The following TENM3 variants were observed in gnomAD, a reference collection of about 807,000 sequenced individuals.
The protein encoded by TENM3 is teneurin-3.
A neutral mutation model predicts 255.1 loss-of-function variants in TENM3; 63 were observed. The observed-to-expected ratio is 0.25, with a 90% CI of 0.20 to 0.30. TENM3 has a LOEUF of 0.30. TENM3 is among the 10% of genes least tolerant of loss of function. TENM3 has a pLI of 1.00. For synonymous variants in TENM3, 1,306 were observed against 1,322.3 expected (o/e 0.99, Z 0.27); for missense variants, 2,929 against 3,461.1 (o/e 0.85, Z 3.86).
the TENM3 span, among the ~76,000 whole-genome samples, chr4:181,896,950 C>T: frequency 6.6e-6 from 1 of 152,202 alleles, no homozygotes; most frequent in African/African-American, 2.4e-5. Flanking sequence ...GGGAGACCTT[C>T]TTCCTGGAAG....
chr4:182,778,167 C>A (rs1764851931), intron 24 of TENM3, among the ~76,000 whole-genome samples: 1 of 151,896 alleles, frequency 6.6e-6, no homozygotes, highest in East Asian at 1.9e-4. Context: ...GATTGTAGAA[C>A]CTGCCTTCAG....
the TENM3 span, among the ~76,000 whole-genome samples, chr4:181,966,559 A>G: frequency 1.4e-3 from 210 of 152,330 alleles, no homozygotes; most frequent in Non-Finnish European, 2.6e-3. Context: ...AAGCCAATCA[A>G]GGAGAATAAA....
At chr4:182,128,262 G>T in the TENM3 span, among the ~76,000 whole-genome samples, 5 of 151,306 alleles carry the variant, frequency 3.3e-5, no homozygotes, top group Admixed American at 6.6e-5. Flanking sequence ...CATTTTTTTT[G>T]AGTATCTTCT....
In TENM3 at chr4:182,531,182, A is replaced by G. The variant is rs372664019; in HGVS notation, c.512-69742A>G. Among the ~76,000 whole-genome samples, 7 of 152,324 alleles carry G rather than the reference A, an allele frequency of 4.6e-5. No individual in the cohort carries two copies. The East Asian group carries it at 1.4e-3, about 29-fold the overall frequency. ...AAAGGAAAGTGTGTCAAGGAGGAGT[A>G]TTCACTTTTGTTAAATACTTCCGAG... On this transcript the variant is annotated intron_variant, in intron 3 of 27. Transcript: ENST00000511685.
intron 18 of TENM3, among the ~76,000 whole-genome samples, chr4:182,742,743 G>A (rs981387421): frequency 6.6e-6 from 1 of 152,136 alleles, no homozygotes; most frequent in African/African-American, 2.4e-5. Flanking sequence ...AGATCATCTG[G>A]AGAGTTTTTC....
chr4:182,115,050 G>A, the TENM3 span, among the ~76,000 whole-genome samples: 573 of 152,060 alleles, frequency 3.8e-3, 4 homozygotes, highest in African/African-American at 0.013. Context: ...GCATGGTGTC[G>A]GGTGCCTGTA....
At chr4:182,282,115 G>T (rs988942812) in intron 1 of TENM3, among the ~76,000 whole-genome samples, 1 of 152,178 alleles carries the variant, frequency 6.6e-6, no homozygotes, top group African/African-American at 2.4e-5. Flanking sequence ...ACTGCCAGCT[G>T]TTAAAAAATC....
chr4:182,095,341 A>C, the TENM3 span, among the ~76,000 whole-genome samples: 1 of 152,214 alleles, frequency 6.6e-6, no homozygotes, highest in Non-Finnish European at 1.5e-5. Context: ...ACACACATAC[A>C]CAATGGAATA....
the TENM3 span, among the ~76,000 whole-genome samples, chr4:181,871,576 C>T: frequency 6.6e-6 from 1 of 152,010 alleles, no homozygotes; most frequent in Non-Finnish European, 1.5e-5. Context: ...TGTACTGTCT[C>T]AGACTATCCA....
At chr4:181,749,398 G>A in the TENM3 span, among the ~76,000 whole-genome samples, 7 of 151,960 alleles carry the variant, frequency 4.6e-5, no homozygotes, top group African/African-American at 9.7e-5. Context: ...GTAACGTACC[G>A]TTTTGAAGGT....
intron 3 of TENM3, among the ~76,000 whole-genome samples, chr4:182,489,856 TTC>T (rs879505797): frequency 0.32 from 48,755 of 150,752 alleles, 8,514 homozygotes; most frequent in Non-Finnish European, 0.39. Context: ...CTTCCTTTTC[TTC>T]CCTTCCTCCC....
the TENM3 span, among the ~76,000 whole-genome samples, chr4:181,849,916 A>ATC: frequency 3.8e-5 from 2 of 53,100 alleles, no homozygotes; most frequent in Middle Eastern, 0.01. Flanking sequence ...GATTAAAAGC[A>ATC]TCTCTCTCTC....
chr4:182,003,288 C>G, the TENM3 span, among the ~76,000 whole-genome samples: 2 of 152,012 alleles, frequency 1.3e-5, no homozygotes, highest in Non-Finnish European at 1.5e-5. Context: ...AGGTGGGCTA[C>G]TAACATTTTC....
At chr4:182,219,551 G>C (rs1349171374) in intron 1 of TENM3, among the ~76,000 whole-genome samples, 4 of 151,942 alleles carry the variant, frequency 2.6e-5, no homozygotes, top group Non-Finnish European at 5.9e-5. Context: ...TTTAATCCCA[G>C]CTACTCAGGA....
chr4:181,573,967 A>G, the TENM3 span, among the ~76,000 whole-genome samples: 1 of 152,188 alleles, frequency 6.6e-6, no homozygotes, highest in Non-Finnish European at 1.5e-5. Context: ...TTAAGATATC[A>G]TACAGGCATA....
upstream of TENM3, among the ~76,000 whole-genome samples, chr4:182,240,466 G>A (rs1231064743): frequency 6.6e-6 from 1 of 152,174 alleles, no homozygotes; most frequent in African/African-American, 2.4e-5. Context: ...CCCCTGTTAG[G>A]CTCCTCAGAT....
chr4:181,978,769 T>C, the TENM3 span, among the ~76,000 whole-genome samples: 2 of 151,240 alleles, frequency 1.3e-5, no homozygotes, highest in African/African-American at 4.8e-5. Context: ...CAGGTGGGAA[T>C]TGAGCAACAA....
chr4:181,497,939 GAGTTACACATAGTCA>G, the TENM3 span, among the ~76,000 whole-genome samples: 1 of 152,120 alleles, frequency 6.6e-6, no homozygotes, highest in African/African-American at 2.4e-5. Context: ...AAAATATTTT[GAGTTACACATAGTCA>G]ACTCACTGGC....
At chr4:182,023,148 T>C in the TENM3 span, among the ~76,000 whole-genome samples, 1 of 152,242 alleles carries the variant, frequency 6.6e-6, no homozygotes, top group African/African-American at 2.4e-5. Context: ...GAGCATGGCA[T>C]GAACGTTATT....
Sources: gnomAD v4.1 joint callset for allele counts (sites outside exome capture counted in the v4.1 genomes callset) on GRCh38, gnomAD v4.1.1 for gene constraint, MANE v1.5 for transcripts, NCBI Gene and HGNC (gene_info 2026-07-23, HGNC 2026-07-21) for gene names.